KCNH8: variants seen among roughly 807,000 people sequenced by gnomAD.
KCNH8 encodes the protein voltage-gated delayed rectifier potassium channel KCNH8.
In KCNH8, 70 loss-of-function variants were observed where a neutral mutation model predicts 103.6. That is an observed-to-expected ratio of 0.68 (90% confidence interval 0.56 to 0.82). The LOEUF is 0.82. Ranked by LOEUF, KCNH8 falls within the 40% of genes least tolerant of loss-of-function variation. The pLI, the probability that KCNH8 is intolerant of heterozygous loss-of-function variation, is 0.00. For missense variants in KCNH8, 1,217 were observed against 1,329.9 expected (o/e 0.92, Z 1.32); for synonymous variants, 498 against 489.4 (o/e 1.02, Z -0.23).
intron 1 of KCNH8, among the ~76,000 whole-genome samples, chr3:19,207,499 A>G (rs1190294551): frequency 3.9e-5 from 6 of 152,032 alleles, no homozygotes; most frequent in Admixed American, 3.9e-4. Flanking sequence ...TAGATTATTC[A>G]AATAGTCTTT....
intron 3 of KCNH8, among the ~76,000 whole-genome samples, chr3:19,283,616 G>T (rs959130582): frequency 1.3e-5 from 2 of 151,910 alleles, no homozygotes; most frequent in Admixed American, 1.3e-4. Context: ...TAGAAAGACA[G>T]AGTAACTGTT....
At chr3:19,485,602 C>T (rs895153221) in intron 11 of KCNH8, among the ~76,000 whole-genome samples, 1 of 152,296 alleles carries the variant, frequency 6.6e-6, no homozygotes, top group Middle Eastern at 3.4e-3. Context: ...TCTGATCTAT[C>T]CTCCTTTTAT....
intron 1 of KCNH8, among the ~76,000 whole-genome samples, chr3:19,188,212 T>G (rs2063520721): frequency 6.6e-6 from 1 of 152,132 alleles, no homozygotes; most frequent in South Asian, 2.1e-4. Context: ...GGGCTTTAGA[T>G]GATGCTTTAA....
intron 3 of KCNH8, among the ~76,000 whole-genome samples, chr3:19,306,917 C>A (rs1428991780): frequency 3.0e-4 from 45 of 151,832 alleles, no homozygotes; most frequent in Non-Finnish European, 1.0e-4. Context: ...CCAAAGCAAT[C>A]CTGAGCAAAA....
At chr3:19,518,134 C>T (rs1332637591) in intron 15 of KCNH8, 60 bp downstream of exon 15, 5 of 1,327,622 alleles carry the variant, frequency 3.8e-6, no homozygotes, top group African/African-American at 2.9e-5. Context: ...ATCCTAGTTA[C>T]TCGCAGAAGC....
intron 11 of KCNH8, among the ~76,000 whole-genome samples, chr3:19,459,879 AT>A (rs1421657614): frequency 6.6e-6 from 1 of 152,086 alleles, no homozygotes; most frequent in Non-Finnish European, 1.5e-5. Context: ...AACATTAATT[AT>A]AGTAATTTAA....
chr3:19,232,081 TG>T (rs971361673), intron 1 of KCNH8, among the ~76,000 whole-genome samples: 6 of 152,362 alleles, frequency 3.9e-5, no homozygotes, highest in Admixed American at 3.9e-4. Flanking sequence ...TTGATTGGAA[TG>T]TATTTTTTAG....
intron 11 of KCNH8, among the ~76,000 whole-genome samples, chr3:19,464,692 A>G (rs1019827203): frequency 4.6e-5 from 7 of 152,116 alleles, no homozygotes; most frequent in Non-Finnish European, 7.4e-5. Context: ...AAAGACATAT[A>G]CTTCAGTTTT....
chr3:19,371,627 T>C (rs2066097464), intron 5 of KCNH8, among the ~76,000 whole-genome samples: 2 of 150,616 alleles, frequency 1.3e-5, no homozygotes. Context: ...AGATCCCATT[T>C]GTCAATTTTG....
chr3:19,494,962 T>A (rs971901294), intron 11 of KCNH8, among the ~76,000 whole-genome samples: 2 of 152,278 alleles, frequency 1.3e-5, no homozygotes, highest in South Asian at 4.1e-4. Context: ...ATGATGAGCA[T>A]TTTTTCATAT....
At chr3:19,149,451 T>G (rs1423933490) in intron 1 of KCNH8, among the ~76,000 whole-genome samples, 26 of 133,984 alleles carry the variant, frequency 1.9e-4, no homozygotes, top group African/African-American at 7.6e-4. Context: ...AAGTTTTTAG[T>G]TTTTTTTTTT....
chr3:19,155,894 C>T (rs777360164), intron 1 of KCNH8, among the ~76,000 whole-genome samples: 40 of 152,188 alleles, frequency 2.6e-4, no homozygotes, highest in Non-Finnish European at 5.6e-4. Flanking sequence ...GAAGCCTTAA[C>T]TATGTCATTA....
At chr3:19,218,169 T>A (rs1394880242) in intron 1 of KCNH8, among the ~76,000 whole-genome samples, 1 of 152,210 alleles carries the variant, frequency 6.6e-6, no homozygotes, top group Non-Finnish European at 1.5e-5. Flanking sequence ...ATTTTCTTGC[T>A]AATAACTCAA....
chr3:19,486,753 C>A (rs1339718335), intron 11 of KCNH8, among the ~76,000 whole-genome samples: 1 of 152,124 alleles, frequency 6.6e-6, no homozygotes, highest in Non-Finnish European at 1.5e-5. Flanking sequence ...AAAGGTTGGG[C>A]TAGTACTGCA....
At chr3:19,335,060 A>G (rs2065563767) in intron 3 of KCNH8, among the ~76,000 whole-genome samples, 1 of 151,960 alleles carries the variant, frequency 6.6e-6, no homozygotes, top group Non-Finnish European at 1.5e-5. Flanking sequence ...TGAAATATAT[A>G]TAATTTTTAG....
chr3:19,494,756 T>A (rs2068401014), intron 11 of KCNH8, among the ~76,000 whole-genome samples: 1 of 152,184 alleles, frequency 6.6e-6, no homozygotes, highest in South Asian at 2.1e-4. Context: ...GTTCTGTTTT[T>A]AGGTCTTTGA....
chr3:19,282,171 T>C (rs1214722107), intron 3 of KCNH8, among the ~76,000 whole-genome samples: 1 of 152,164 alleles, frequency 6.6e-6, no homozygotes, highest in South Asian at 2.1e-4. Flanking sequence ...TTGTTTTCAA[T>C]ACATTATGTT....
intron 5 of KCNH8, among the ~76,000 whole-genome samples, chr3:19,383,029 A>G (rs1420369927): frequency 6.6e-6 from 1 of 152,164 alleles, no homozygotes; most frequent in Non-Finnish European, 1.5e-5. Flanking sequence ...ACTTTTGCAT[A>G]AAAGTGTTCC....
At chr3:19,426,473 A>G (rs2067030405) in intron 7 of KCNH8, among the ~76,000 whole-genome samples, 3 of 151,302 alleles carry the variant, frequency 2.0e-5, no homozygotes, top group African/African-American at 7.3e-5. Flanking sequence ...ACTCAGATAG[A>G]TATGCATATT....
Sources: allele counts gnomAD v4.1 joint callset (sites outside exome capture counted in the v4.1 genomes callset), GRCh38; gene constraint gnomAD v4.1.1; transcripts MANE v1.5; gene names NCBI Gene and HGNC (gene_info 2026-07-23, HGNC 2026-07-21).